NOL4L: variants seen among roughly 807,000 people sequenced by gnomAD.
NOL4L encodes the protein nucleolar protein 4-like.
Under a neutral mutation model 64.5 loss-of-function variants are expected in NOL4L, and 7 were observed. That is an observed-to-expected ratio of 0.11 (90% confidence interval 0.06 to 0.20). The LOEUF (loss-of-function observed/expected upper bound fraction) is 0.20, where lower values mean the gene tolerates loss of function less well. NOL4L is among the 10% of genes least tolerant of loss of function. NOL4L has a pLI of 1.00. For missense variants in NOL4L, 680 were observed against 967.1 expected (o/e 0.70, Z 3.94); for synonymous variants, 413 against 401.0 (o/e 1.03, Z -0.36).
chr20:32,456,385 G>C lies in NOL4L; in HGVS notation c.852C>G (p.Ser284=), dbSNP rs377704521. The C allele has an allele frequency of 1.4e-6, 2 of 1,467,660 alleles. No homozygotes were observed. The highest frequency in any genetic ancestry group is 1.8e-6 in the Non-Finnish European group (2 of 1,106,356). The allele number at this position is 1,467,660 out of a possible 1,614,324, so 90.9% of individuals were successfully genotyped here. Reference sequence around the variant, plus strand: ...AGCCATTGCCGCTGCCACTCTCAGAGGAGGAGTCATCTGGAATGAGAGGCC... The same window carrying C: ...AGCCATTGCCGCTGCCACTCTCAGACGAGGAGTCATCTGGAATGAGAGGCC... ...NLHSQEDDDS[S]SESGSGNGSS... The change falls in exon 6 of 11, where the codon TCC becomes TCG. Residue 284 remains serine, a synonymous_variant. Transcript: ENST00000621426.
chr20:32,455,912 G>A (rs570230458), intron 6 of NOL4L, among the ~76,000 whole-genome samples: 1 of 152,286 alleles, frequency 6.6e-6, no homozygotes, highest in East Asian at 1.9e-4. Flanking sequence ...TCGGAGAAGG[G>A]GGCCTGGCTT....
chr20:32,551,903 C>G (rs1423073140), intron 1 of NOL4L, among the ~76,000 whole-genome samples: 1 of 152,134 alleles, frequency 6.6e-6, no homozygotes, highest in Non-Finnish European at 1.5e-5. Context: ...ATCCTCCCAC[C>G]TCAGCCTCCA....
At chr20:32,554,336 A>AAAAG (rs1158810374) in intron 1 of NOL4L, among the ~76,000 whole-genome samples, 1 of 151,624 alleles carries the variant, frequency 6.6e-6, no homozygotes, top group African/African-American at 2.4e-5. Flanking sequence ...AAAAAAAAAA[A>AAAAG]AAAAAAGGAA....
chr20:32,526,845 C>T (rs1375383112), intron 2 of NOL4L, among the ~76,000 whole-genome samples: 1 of 152,196 alleles, frequency 6.6e-6, no homozygotes, highest in African/African-American at 2.4e-5. Flanking sequence ...TACTGGCTTC[C>T]CTGGGCACTG....
chr20:32,483,871 G>T (rs1292915362), intron 4 of NOL4L, among the ~76,000 whole-genome samples: 2 of 139,784 alleles, frequency 1.4e-5, no homozygotes, highest in Non-Finnish European at 3.1e-5. Context: ...GCCAGGTAGG[G>T]GGGGATAAGG....
rs747442157 is a variant in NOL4L, at chr20:32,452,475, G to T, written c.1621-38C>A. The T allele has an allele frequency of 5.3e-6, 8 of 1,513,994 alleles. No homozygotes were observed. In the Admixed American group the frequency reaches 1.7e-4, roughly 32 times the overall value. The allele number at this position is 1,513,994 out of a possible 1,614,324, so 93.8% of individuals were successfully genotyped here. On this transcript the variant is annotated intron_variant, in intron 9 of 10. Coordinates refer to ENST00000621426, the MANE Select transcript of NOL4L (RefSeq NM_001256798.2). Reference sequence around the variant, plus strand: ...GAGGGGGGCGCTGGGGAAACCAAGGGGCAGCTGGCCCCAACTACCATCCCT... The same window carrying T: ...GAGGGGGGCGCTGGGGAAACCAAGGTGCAGCTGGCCCCAACTACCATCCCT...
intron 4 of NOL4L, among the ~76,000 whole-genome samples, chr20:32,498,086 G>A (rs1288076348): frequency 5.3e-5 from 8 of 152,206 alleles, no homozygotes. Context: ...GAAGGGGCTC[G>A]AGCCTCAAGG....
chr20:32,453,462 C>T lies in NOL4L; in HGVS notation c.1339G>A (p.Asp447Asn), dbSNP rs1413148630. The change falls in exon 8 of 11, where the codon GAC (aspartate) becomes AAC (asparagine). Residue 447 changes from aspartate to asparagine, a missense_variant. By Grantham distance (23) the Asp-to-Asn change is conservative. Transcript: ENST00000621426. This position sits in a 1 kb window ranked among gnomAD's most constrained non-coding sequence, Gnocchi z 5.6. ...FVRLFVDENL[D>N]RMVPISKQPK... is the part of the protein sequence containing the mutation. ...TGCTTGGAGATGGGCACCATGCGGT[C>T]CAGGTTCTCGTCCACAAAGAGACGC... 11 of 1,613,994 alleles carry T rather than the reference C, an allele frequency of 6.8e-6. No individual in the cohort carries two copies. Among genetic ancestry groups the T allele is most frequent in the Non-Finnish European group, 1.7e-6 (2 of 1,180,028 alleles).
intron 1 of NOL4L, among the ~76,000 whole-genome samples, chr20:32,558,949 G>C (rs1221016841): frequency 1.3e-5 from 2 of 152,304 alleles, no homozygotes; most frequent in South Asian, 2.1e-4. Flanking sequence ...TGCAAGGGAA[G>C]GTGAGCCGAT....
At chr20:32,556,154 CT>C (rs1242777499) in intron 1 of NOL4L, among the ~76,000 whole-genome samples, 3 of 152,216 alleles carry the variant, frequency 2.0e-5, no homozygotes, top group African/African-American at 7.2e-5. Context: ...CAGAGAGGCT[CT>C]GCGGCCTCGG....
chr20:32,484,524 A>C (rs1327350525), intron 4 of NOL4L, among the ~76,000 whole-genome samples: 3 of 149,086 alleles, frequency 2.0e-5, no homozygotes, highest in Non-Finnish European at 4.5e-5. Flanking sequence ...AGTGTCCGGG[A>C]GGCGCTCACC....
chr20:32,462,350 C>T lies in NOL4L; in HGVS notation c.842-5955G>A, dbSNP rs559717641. ...CTGGCAGAGGCCAAGGGATGGGACC[C>T]GGGGGCTGGGATCGCTCTGCATGGG... On this transcript the variant is annotated intron_variant, in intron 5 of 10. Coordinates refer to ENST00000621426, the MANE Select transcript of NOL4L (RefSeq NM_001256798.2). 5.9e-5 allele frequency among the ~76,000 whole-genome samples: 9 copies of T among 152,270 alleles called. No homozygotes were observed. The South Asian group carries it at 8.3e-4, about 14-fold the overall frequency.
chr20:32,526,221 G>C (rs902796199), intron 2 of NOL4L, among the ~76,000 whole-genome samples: 1 of 152,184 alleles, frequency 6.6e-6, no homozygotes, highest in African/African-American at 2.4e-5. Flanking sequence ...GAGAAAATGT[G>C]GTCTTGTCAG....
At chr20:32,461,134 C>G (rs1004528036) in intron 5 of NOL4L, among the ~76,000 whole-genome samples, 6 of 152,222 alleles carry the variant, frequency 3.9e-5, no homozygotes, top group Admixed American at 2.0e-4. Flanking sequence ...GCCCCACAAG[C>G]AGTGGATTTG....
At chr20:32,483,421 G>A in intron 4 of NOL4L, 1 of 987,268 alleles carries the variant, frequency 1.0e-6, no homozygotes, top group Non-Finnish European at 1.2e-6. Context: ...GGGGCGGGCG[G>A]CGGTGACAGC....
intron 4 of NOL4L, among the ~76,000 whole-genome samples, chr20:32,484,320 AC>A (rs1309962999): frequency 2.5e-5 from 2 of 80,168 alleles, no homozygotes; most frequent in African/African-American, 9.6e-5. Flanking sequence ...CCCCCGCCCC[AC>A]CCCCACGGCA....
chr20:32,506,317 T>G (rs2145545990), intron 4 of NOL4L, among the ~76,000 whole-genome samples: 1 of 152,054 alleles, frequency 6.6e-6, no homozygotes, highest in African/African-American at 2.4e-5. Flanking sequence ...AGCTGTTACC[T>G]CTCAGCTTCC....
intron 1 of NOL4L, among the ~76,000 whole-genome samples, chr20:32,537,700 G>A (rs887255177): frequency 6.6e-6 from 1 of 151,920 alleles, no homozygotes; most frequent in South Asian, 2.1e-4. Flanking sequence ...TCCCAGCATC[G>A]TGAGTAGCTG....
intron 1 of NOL4L, among the ~76,000 whole-genome samples, chr20:32,581,563 TG>T (rs376789181): frequency 1.0e-3 from 159 of 152,216 alleles, no homozygotes; most frequent in African/African-American, 3.5e-3. Context: ...ATGGCCACCC[TG>T]GGGACAGAGG....
Sources: allele counts gnomAD v4.1 joint callset (sites outside exome capture counted in the v4.1 genomes callset), GRCh38; gene constraint gnomAD v4.1.1; non-coding constraint Gnocchi (gnomAD v3.1); transcripts MANE v1.5; gene names NCBI Gene and HGNC (gene_info 2026-07-23, HGNC 2026-07-21).